PSPC1: variants seen among roughly 807,000 people sequenced by gnomAD.
PSPC1 encodes the protein paraspeckle protein 1.
Under a neutral mutation model 51.6 loss-of-function variants are expected in PSPC1, and 14 were observed. The ratio of observed to expected loss-of-function variants is 0.27; its 90% CI spans 0.18 to 0.42. The LOEUF is 0.42. Ranked by LOEUF, PSPC1 falls within the 10% of genes least tolerant of loss-of-function variation. The probability of loss-of-function intolerance (pLI) is 1.00; values close to 1 mark genes in which losing one functional copy is unlikely to be tolerated. For synonymous variants in PSPC1, 193 were observed against 231.9 expected, an observed-to-expected ratio of 0.83 and a Z score of 1.53; for missense variants, 406 against 701.1, an observed-to-expected ratio of 0.58 and a Z score of 4.75.
chr13:19,697,402 G>C (rs1161889685), intron 6 of PSPC1, among the ~76,000 whole-genome samples: 2 of 152,132 alleles, frequency 1.3e-5, no homozygotes, highest in Non-Finnish European at 1.5e-5. Context: ...TGTATCTTAA[G>C]CCCTAGAAAA....
At chr13:19,734,384 G>A (rs995519183) in intron 5 of PSPC1, among the ~76,000 whole-genome samples, 1 of 152,120 alleles carries the variant, frequency 6.6e-6, no homozygotes, top group South Asian at 2.1e-4. Flanking sequence ...ATTCTTGCAG[G>A]ATTCTGAAAG....
At chr13:19,685,151 C>T (rs1877722355) in intron 6 of PSPC1, among the ~76,000 whole-genome samples, 1 of 152,210 alleles carries the variant, frequency 6.6e-6, no homozygotes, top group South Asian at 2.1e-4. Flanking sequence ...CCTGCCTCCA[C>T]ATCATTTGTA....
rs79140390 is a variant in PSPC1, at chr13:19,695,963, G to T, written c.1159-18140C>A. Among the ~76,000 whole-genome samples, 108 of 152,172 alleles carry T rather than the reference G, an allele frequency of 7.1e-4. 1 individual carries two copies. Among genetic ancestry groups the T allele is most frequent in the African/African-American group, 2.4e-3 (100 of 41,530 alleles). ...TGAGAATTCCTCAGTTGGAAAATAG[G>T]TTAATAAGCCACCATGGGGTAGAAG... On this transcript the variant is annotated intron_variant and NMD_transcript_variant, in intron 6 of 7. Coordinates refer to the PSPC1 transcript ENST00000471658.
intron 6 of PSPC1, among the ~76,000 whole-genome samples, chr13:19,710,898 C>T (rs1331749789): frequency 2.6e-5 from 4 of 151,702 alleles, no homozygotes; most frequent in South Asian, 4.2e-4. Context: ...AGTGCAGTGG[C>T]GTCATGATAG....
chr13:19,782,495 T>C lies in PSPC1; in HGVS notation c.263A>G (p.Asn88Ser), dbSNP rs755902152. The C allele has an allele frequency of 1.2e-6, 2 of 1,613,220 alleles. No individual in the cohort carries two copies. The highest frequency in any genetic ancestry group is 8.5e-7 in the Non-Finnish European group (1 of 1,179,650). ...CTCCTCCGTGATGTCGGTGGGCAGATTTCCCACGAAGAGGCGGCAGCGCTG... is the reference window on the plus strand; with the variant it reads ...CTCCTCCGTGATGTCGGTGGGCAGACTTCCCACGAAGAGGCGGCAGCGCTG... Reference protein sequence around the residue: ...YTQRCRLFVGNLPTDITEEDF... With the variant: ...YTQRCRLFVGSLPTDITEEDF... The change falls in exon 1 of 9, where the codon AAT (asparagine) becomes AGT (serine). Residue 88 changes from asparagine (N) to serine (S), a missense_variant. This residue lies in a region of PSPC1 where 180 missense variants were observed against 337.9 expected (regional missense o/e 0.53). Coordinates refer to ENST00000338910, the MANE Select transcript of PSPC1 (RefSeq NM_001354909.2). This position sits in a 1 kb window ranked among gnomAD's most constrained non-coding sequence, Gnocchi z 4.5.
intron 6 of PSPC1, among the ~76,000 whole-genome samples, chr13:19,714,571 T>C (rs1321500121): frequency 6.8e-6 from 1 of 147,918 alleles, no homozygotes; most frequent in Non-Finnish European, 1.5e-5. Flanking sequence ...TCTCAACTCA[T>C]GCAGCCTCTG....
At chr13:19,696,213 CAG>C (rs969958554) in intron 6 of PSPC1, among the ~76,000 whole-genome samples, 1 of 152,154 alleles carries the variant, frequency 6.6e-6, no homozygotes, top group African/African-American at 2.4e-5. Flanking sequence ...GAAGCAGAGT[CAG>C]AGAGTCCCCA....
chr13:19,775,796 AT>A (rs1475423887), intron 1 of PSPC1, among the ~76,000 whole-genome samples: 2 of 152,162 alleles, frequency 1.3e-5, no homozygotes, highest in Non-Finnish European at 2.9e-5. Flanking sequence ...CACGCCTGTA[AT>A]CCCAACACTT....
intron 2 of PSPC1, among the ~76,000 whole-genome samples, chr13:19,764,214 A>C (rs1186293897): frequency 1.3e-5 from 2 of 152,198 alleles, no homozygotes; most frequent in Non-Finnish European, 2.9e-5. Flanking sequence ...AGCTCTGATC[A>C]CATTTTTGTG....
chr13:19,742,876 C>A (rs529023935), intron 4 of PSPC1, among the ~76,000 whole-genome samples: 1 of 152,156 alleles, frequency 6.6e-6, no homozygotes, highest in African/African-American at 2.4e-5. Context: ...ACCTCCCTCG[C>A]AACACGATTA....
chr13:19,712,590 A>T (rs1012051738), intron 6 of PSPC1, among the ~76,000 whole-genome samples: 12 of 152,158 alleles, frequency 7.9e-5, no homozygotes, highest in African/African-American at 2.9e-4. Context: ...AAACATGAAC[A>T]TTCCCCTTCT....
intron 3 of PSPC1, among the ~76,000 whole-genome samples, chr13:19,756,162 C>T (rs1292613386): frequency 1.3e-5 from 2 of 151,970 alleles, no homozygotes; most frequent in Non-Finnish European, 2.9e-5. Flanking sequence ...CACTTGAACT[C>T]GGGAGGTGGA....
intron 6 of PSPC1, among the ~76,000 whole-genome samples, chr13:19,720,618 T>C (rs1371274289): frequency 6.6e-6 from 1 of 152,134 alleles, no homozygotes; most frequent in Non-Finnish European, 1.5e-5. Context: ...GGTACCAAAA[T>C]AAAAATCAAA....
At chr13:19,707,344 T>C (rs1412186219) in intron 7 of PSPC1, among the ~76,000 whole-genome samples, 2 of 152,162 alleles carry the variant, frequency 1.3e-5, no homozygotes, top group East Asian at 3.8e-4. Context: ...TATAAATAAA[T>C]TTAAAGATAT....
chr13:19,740,671 A>C (rs1885345554), intron 5 of PSPC1, among the ~76,000 whole-genome samples: 1 of 152,144 alleles, frequency 6.6e-6, no homozygotes, highest in South Asian at 2.1e-4. Context: ...TTTGAAGAGT[A>C]ATGTTTATAC....
At chr13:19,733,119 C>A (rs532799671) in intron 5 of PSPC1, among the ~76,000 whole-genome samples, 1 of 152,138 alleles carries the variant, frequency 6.6e-6, no homozygotes, top group Non-Finnish European at 1.5e-5. Flanking sequence ...TATGTATACA[C>A]AGATATATAT....
At chr13:19,699,864 A>C (rs990907942), downstream of PSPC1, among the ~76,000 whole-genome samples, 1 of 152,012 alleles carries the variant, frequency 6.6e-6, no homozygotes, top group Non-Finnish European at 1.5e-5. Flanking sequence ...CTATCCTCTG[A>C]CACCTCAGAA....
intron 5 of PSPC1, among the ~76,000 whole-genome samples, chr13:19,737,986 G>C (rs1043103965): frequency 2.6e-5 from 4 of 152,124 alleles, no homozygotes; most frequent in Non-Finnish European, 5.9e-5. Flanking sequence ...CCAGCTACTT[G>C]GGAGGCTAAG....
intron 7 of PSPC1, among the ~76,000 whole-genome samples, chr13:19,676,591 A>G (rs780966909): frequency 8.5e-5 from 13 of 152,232 alleles, no homozygotes; most frequent in Non-Finnish European, 1.8e-4. Context: ...TAATCTTCAC[A>G]GTTAAAACGG....
Sources: gnomAD v4.1 joint callset for allele counts (sites outside exome capture counted in the v4.1 genomes callset) on GRCh38, gnomAD v4.1.1 for gene constraint, gnomAD v4.1.1 regional missense constraint, Gnocchi (gnomAD v3.1) non-coding constraint, MANE v1.5 for transcripts, NCBI Gene and HGNC (gene_info 2026-07-23, HGNC 2026-07-21) for gene names.